The following OSBPL10 variants were observed in gnomAD, a reference collection of about 807,000 sequenced individuals.
OSBPL10 encodes oxysterol-binding protein-related protein 10.
In OSBPL10, 49 loss-of-function variants were observed where a neutral mutation model predicts 81.7. The observed-to-expected ratio is 0.60, with a 90% CI of 0.48 to 0.76. The LOEUF is 0.76. Ranked by LOEUF, OSBPL10 falls within the 30% of genes least tolerant of loss-of-function variation. OSBPL10 has a pLI of 0.00. For synonymous variants in OSBPL10, 419 were observed against 383.6 expected, an observed-to-expected ratio of 1.09 and a Z score of -1.08; for missense variants, 923 against 987.8, an observed-to-expected ratio of 0.93 and a Z score of 0.88.
rs753158238 is a variant in OSBPL10 at position 31,733,398 on chromosome 3, T to C, written c.954A>G (p.Gly318=). 7 of 1,614,172 alleles carry C rather than the reference T, an allele frequency of 4.3e-6. No homozygotes were observed. Among genetic ancestry groups the C allele is most frequent in the Non-Finnish European group, 5.9e-6 (7 of 1,180,022 alleles). Residue 318 remains glycine (G), a synonymous_variant, in exon 6 of 12, where the codon GGA becomes GGG. Coordinates refer to ENST00000396556, the MANE Select transcript of OSBPL10 (RefSeq NM_017784.5). ...TGGAATGTGACTTGGACCCGTGCCA[T>C]CCCAGGATGTTTTCTGAAATAAAGA... The part of the protein sequence containing the change: ...QKPGASENIL[G]WHGSKSHSTE...
chr3:31,907,906 T>C (rs534280459), intron 1 of OSBPL10, among the ~76,000 whole-genome samples: 1 of 152,100 alleles, frequency 6.6e-6, no homozygotes, highest in Non-Finnish European at 1.5e-5. Flanking sequence ...ACATAGTAAG[T>C]GTCCATAAGT....
chr3:31,765,327 T>C (rs141149290), intron 4 of OSBPL10, among the ~76,000 whole-genome samples: 38 of 152,248 alleles, frequency 2.5e-4, no homozygotes, highest in African/African-American at 8.9e-4. Context: ...TGAGTCACTG[T>C]GCCCAGCCTC....
intron 1 of OSBPL10, among the ~76,000 whole-genome samples, chr3:31,950,937 T>C (rs1226687550): frequency 6.6e-6 from 1 of 152,178 alleles, no homozygotes; most frequent in Non-Finnish European, 1.5e-5. Flanking sequence ...TGTACAGTCT[T>C]CACAACCATG....
Position 31,992,106 on chromosome 3 carries a change from A to G in OSBPL10, n.298+54385T>C, listed in dbSNP as rs151296307. Among the ~76,000 whole-genome samples, 358 of 150,298 alleles carry G rather than the reference A, an allele frequency of 2.4e-3. 2 individuals carry two copies. Among genetic ancestry groups the G allele is most frequent in the African/African-American group, 7.8e-3 (319 of 40,688 alleles). On this transcript the variant is annotated intron_variant and non_coding_transcript_variant, in intron 2 of 3. Transcript: ENST00000479173. ...GGTCGCAGTGAGCCAGGATCGCCCC[A>G]CTGCACTCCAACCTAGGCAACAGAG...
chr3:31,780,079 T>C (rs570599502), intron 4 of OSBPL10, among the ~76,000 whole-genome samples: 1 of 152,110 alleles, frequency 6.6e-6, no homozygotes, highest in East Asian at 1.9e-4. Context: ...GATCATGAGG[T>C]CAGGCAATCG....
At chr3:31,684,973 T>C (rs1700755051) in intron 7 of OSBPL10, among the ~76,000 whole-genome samples, 1 of 152,148 alleles carries the variant, frequency 6.6e-6, no homozygotes, top group African/African-American at 2.4e-5. Context: ...AGACAGAGAC[T>C]CCTCATTGAT....
intron 3 of OSBPL10, among the ~76,000 whole-genome samples, chr3:31,841,166 C>T (rs532819035): frequency 8.5e-5 from 13 of 152,332 alleles, no homozygotes; most frequent in African/African-American, 2.6e-4. Context: ...CTCGGCCTCC[C>T]AAAGTGTTGG....
intron 1 of OSBPL10, among the ~76,000 whole-genome samples, chr3:31,888,489 A>G (rs1024320109): frequency 6.6e-6 from 1 of 152,250 alleles, no homozygotes; most frequent in African/African-American, 2.4e-5. Flanking sequence ...ATCAAGCTAT[A>G]AAAGCTTCTG....
chr3:31,796,212 A>C (rs1300760992), intron 4 of OSBPL10: 2 of 201,946 alleles, frequency 9.9e-6, no homozygotes, highest in African/African-American at 2.4e-5. Flanking sequence ...CTGTAACTCC[A>C]GTCTCATTTG....
At chr3:31,922,957 A>G (rs1696961458) in intron 1 of OSBPL10, among the ~76,000 whole-genome samples, 1 of 152,104 alleles carries the variant, frequency 6.6e-6, no homozygotes, top group African/African-American at 2.4e-5. Flanking sequence ...CATTTTAAGC[A>G]ATTGATTGTG....
intron 1 of OSBPL10, among the ~76,000 whole-genome samples, chr3:31,910,640 A>T (rs2125691833): frequency 6.6e-6 from 1 of 152,132 alleles, no homozygotes; most frequent in East Asian, 2.0e-4. Context: ...TAGCTCAAAA[A>T]AAAAATAAAA....
intron 4 of OSBPL10, among the ~76,000 whole-genome samples, chr3:31,757,368 G>A (rs1697918232): frequency 6.6e-6 from 1 of 152,120 alleles, no homozygotes; most frequent in Non-Finnish European, 1.5e-5. Flanking sequence ...GGGAGGCTGA[G>A]GCAGAAAGAT....
intron 2 of OSBPL10, among the ~76,000 whole-genome samples, chr3:32,002,077 A>G (rs377689225): frequency 1.3e-5 from 2 of 152,340 alleles, no homozygotes; most frequent in East Asian, 3.9e-4. Context: ...TAAACTGCCC[A>G]GGTTGGCTAG....
In OSBPL10 at chr3:31,851,843, A is replaced by G. The variant is rs551257356; in HGVS notation, c.538-21612T>C. On this transcript the variant is annotated intron_variant, in intron 3 of 11. Transcript: ENST00000396556. ...CCAGGCAGAGCAGGACTCAGAAGGCATTCTAGCTTTGCTGCTAAAACATCT... is the reference window on the plus strand; with the variant it reads ...CCAGGCAGAGCAGGACTCAGAAGGCGTTCTAGCTTTGCTGCTAAAACATCT... Among the ~76,000 whole-genome samples, 276 of 152,284 alleles carry G rather than the reference A, an allele frequency of 1.8e-3. 2 individuals are homozygous for G. The highest frequency in any genetic ancestry group is 6.4e-3 in the African/African-American group (267 of 41,574).
intron 4 of OSBPL10, among the ~76,000 whole-genome samples, chr3:31,754,657 C>T (rs971556492): frequency 2.0e-5 from 3 of 152,128 alleles, no homozygotes; most frequent in African/African-American, 7.2e-5. Flanking sequence ...TAAAGGGCCA[C>T]ATGGTAAACA....
At chr3:31,822,240 G>C (rs1005252818) in intron 4 of OSBPL10, 1 of 152,162 alleles carries the variant, frequency 6.6e-6, no homozygotes, top group Admixed American at 6.5e-5. Flanking sequence ...AGGAGAGTGT[G>C]TACCTGGAAG....
rs186672383 is a variant in OSBPL10 at position 31,981,033 on chromosome 3, G to A, written c.147C>T (p.Leu49=). 6.7e-3 allele frequency: 9,897 copies of A among 1,473,168 alleles called. 435 individuals carry two copies. The East Asian group carries it at 0.13, about 19-fold the overall frequency. The allele number at this position is 1,473,168 out of a possible 1,614,324, so 91.3% of individuals were successfully genotyped here. The change falls in exon 1 of 12, where the codon CTC becomes CTT. Residue 49 remains leucine, a synonymous_variant. Transcript: ENST00000396556. This position sits in a 1 kb window ranked among gnomAD's most constrained non-coding sequence, Gnocchi z 4.5. ...GGCTGCTGCGGCTTCCCCCGCCGCC[G>A]AGCCCGGCCGCCGCCGACCGGCTGG... The part of the protein sequence containing the change: ...GVSSRSAAAG[L]GGGGSRSSPG...
intron 7 of OSBPL10, 127 bp downstream of exon 7, chr3:31,702,232 G>T (rs1695916983): frequency 8.9e-7 from 1 of 1,129,288 alleles, no homozygotes; most frequent in East Asian, 2.5e-5. Flanking sequence ...TGAAAGCAAT[G>T]CTGGCCTTTT....
At chr3:31,757,523 G>A (rs1471804868) in intron 4 of OSBPL10, among the ~76,000 whole-genome samples, 2 of 152,204 alleles carry the variant, frequency 1.3e-5, no homozygotes, top group Non-Finnish European at 2.9e-5. Context: ...CTCCACAACT[G>A]TGAGACAATG....
Sources: allele counts gnomAD v4.1 joint callset (sites outside exome capture counted in the v4.1 genomes callset), GRCh38; gene constraint gnomAD v4.1.1; non-coding constraint Gnocchi (gnomAD v3.1); transcripts MANE v1.5; gene names NCBI Gene and HGNC (gene_info 2026-07-23, HGNC 2026-07-21).